ALPK2: variants seen among roughly 807,000 people sequenced by gnomAD.
ALPK2 encodes alpha kinase 2.
A neutral mutation model predicts 163.1 loss-of-function variants in ALPK2; 127 were observed. The observed-to-expected ratio is 0.78, with a 90% confidence interval of 0.67 to 0.90. The LOEUF (loss-of-function observed/expected upper bound fraction) is 0.90, where lower values mean the gene tolerates loss of function less well. ALPK2 is among the 40% of genes least tolerant of loss of function. The pLI, the probability that ALPK2 is intolerant of heterozygous loss-of-function variation, is 0.00. For missense variants in ALPK2, 2,360 were observed against 2,589.6 expected (o/e 0.91, Z 1.92); for synonymous variants, 953 against 959.1 (o/e 0.99, Z 0.12).
chr18:58,528,968 G>A (rs760119969), intron 6 of ALPK2, 123 bp downstream of exon 6: 14 of 1,173,892 alleles, frequency 1.2e-5, no homozygotes, highest in Non-Finnish European at 1.7e-5. Context: ...TATTGTGGAT[G>A]TGGAATCTCT....
chr18:58,513,720 A>T (rs1029694069), intron 10 of ALPK2, among the ~76,000 whole-genome samples: 5 of 151,906 alleles, frequency 3.3e-5, no homozygotes, highest in Admixed American at 6.6e-5. Flanking sequence ...CTACGAGAAA[A>T]TTTTTTTTAA....
intron 8 of ALPK2, among the ~76,000 whole-genome samples, chr18:58,519,477 T>C (rs1159095891): frequency 6.6e-6 from 1 of 152,188 alleles, no homozygotes; most frequent in Non-Finnish European, 1.5e-5. Context: ...AAAAAGCTTG[T>C]GCACCCTATG....
chr18:58,592,989 G>A (rs533982870), intron 3 of ALPK2, among the ~76,000 whole-genome samples: 14 of 152,332 alleles, frequency 9.2e-5, no homozygotes, highest in East Asian at 5.8e-4. Flanking sequence ...GACTTGGAGC[G>A]CTTCGTAAAA....
chr18:58,549,650 C>T (rs1049623939), intron 4 of ALPK2, among the ~76,000 whole-genome samples: 11 of 152,200 alleles, frequency 7.2e-5, no homozygotes, highest in African/African-American at 2.7e-4. Flanking sequence ...TCTCTGAAAC[C>T]GATCCTGTCT....
intron 1 of ALPK2, among the ~76,000 whole-genome samples, chr18:58,618,795 A>G (rs1479421254): frequency 1.3e-5 from 2 of 152,172 alleles, no homozygotes; most frequent in Non-Finnish European, 2.9e-5. Context: ...CACCCCTGCA[A>G]TCTGCATCCC....
chr18:58,532,879 A>G (rs569193928), intron 5 of ALPK2, among the ~76,000 whole-genome samples: 18 of 152,232 alleles, frequency 1.2e-4, no homozygotes, highest in Admixed American at 8.5e-4. Flanking sequence ...CCAGACTTGA[A>G]CCCAAGCAAT....
intron 4 of ALPK2, among the ~76,000 whole-genome samples, chr18:58,563,826 G>A (rs928729864): frequency 2.6e-5 from 4 of 152,054 alleles, no homozygotes; most frequent in Admixed American, 6.6e-5. Flanking sequence ...CTCTTGTCCC[G>A]ATGGCTCTAT....
At chr18:58,591,276 A>G (rs1345556486) in intron 3 of ALPK2, among the ~76,000 whole-genome samples, 1 of 152,194 alleles carries the variant, frequency 6.6e-6, no homozygotes, top group Admixed American at 6.5e-5. Context: ...TATCTTACAG[A>G]TGTTGGAACT....
rs139158112 is a variant in ALPK2 at position 58,537,711 on chromosome 18, G to T, written c.2476C>A (p.Pro826Thr). ...FDTIDSLVGR[P>T]VDKYSPQEIC... The stretch of plus-strand genomic sequence containing the variant: ...TCTTGAGGCGAATATTTATCAACTG[G>T]TCTCCCAACAAGAGAATCTATGGTA... The change falls in exon 5 of 13, where the codon CCA becomes ACA. Residue 826 changes from proline to threonine, a missense_variant. Transcript: ENST00000361673. 2.4e-3 allele frequency: 3,872 copies of T among 1,614,002 alleles called. 10 individuals carry two copies. The highest frequency in any genetic ancestry group is 3.0e-3 in the Non-Finnish European group (3,567 of 1,179,916).
At chr18:58,608,701 A>C (rs1411487493) in intron 2 of ALPK2, among the ~76,000 whole-genome samples, 1 of 152,132 alleles carries the variant, frequency 6.6e-6, no homozygotes, top group East Asian at 1.9e-4. Flanking sequence ...TAATCCCAGC[A>C]CTTTGGGAGG....
At chr18:58,512,927 G>T (rs1465610956) in intron 10 of ALPK2, among the ~76,000 whole-genome samples, 1 of 123,564 alleles carries the variant, frequency 8.1e-6, no homozygotes, top group South Asian at 2.9e-4. Context: ...GTGATGTGTG[G>T]GGTGTGTGGG....
At chr18:58,626,978 T>C (rs2052234115) in intron 1 of ALPK2, among the ~76,000 whole-genome samples, 1 of 152,280 alleles carries the variant, frequency 6.6e-6, no homozygotes, top group Admixed American at 6.5e-5. Flanking sequence ...TATTTATTCA[T>C]CTAATCCCCC....
At chr18:58,591,400 A>C (rs868265011) in intron 3 of ALPK2, among the ~76,000 whole-genome samples, 16 of 152,188 alleles carry the variant, frequency 1.1e-4, no homozygotes, top group African/African-American at 3.6e-4. Flanking sequence ...AAAGATGTGA[A>C]ATTCCTAGGC....
rs2052245250 is a variant in ALPK2 at position 58,628,903 on chromosome 18, C to G, written c.-160G>C. 6.6e-6 allele frequency: 1 copy of G among 152,190 alleles called. No homozygotes were observed. The highest frequency in any genetic ancestry group is 1.5e-5 in the Non-Finnish European group (1 of 68,052). The allele number at this position is 152,190 out of a possible 1,614,324, so 9.4% of individuals were successfully genotyped here. On this transcript the variant is annotated 5_prime_UTR_variant, in exon 1 of 13. Transcript: ENST00000361673. ...AGGAGTTTATAGGGCTCAGGGTCTT[C>G]CATGATCAGGTCAAAGCATAGATGG... is the stretch of plus-strand genomic sequence containing the variant.
chr18:58,532,228 G>C (rs1268236780), intron 5 of ALPK2, among the ~76,000 whole-genome samples: 1 of 152,202 alleles, frequency 6.6e-6, no homozygotes, highest in African/African-American at 2.4e-5. Context: ...CAATAACCTA[G>C]TGCTGGTTTG....
rs536415555 is a variant in ALPK2, at chr18:58,604,200, T to C, written c.227+3122A>G. Among the ~76,000 whole-genome samples the C allele has an allele frequency of 5.9e-5, 9 of 152,342 alleles. No individual in the cohort carries two copies. The South Asian group carries it at 1.0e-3, about 18-fold the overall frequency. The stretch of plus-strand genomic sequence containing the variant: ...CGAATATCTAAAAACTCAGATTTAA[T>C]GATCCAAAGATCAAATGCAGGTGAA... On this transcript the variant is annotated intron_variant, in intron 3 of 12. Coordinates refer to ENST00000361673, the MANE Select transcript of ALPK2 (RefSeq NM_052947.4).
chr18:58,497,410 A>G (rs1431589397), intron 12 of ALPK2, among the ~76,000 whole-genome samples: 1 of 152,218 alleles, frequency 6.6e-6, no homozygotes, highest in East Asian at 1.9e-4. Context: ...GCAGTCAAGT[A>G]AAGAAGTGGG....
chr18:58,521,133 A>G (rs914471588), intron 8 of ALPK2, among the ~76,000 whole-genome samples: 6 of 152,214 alleles, frequency 3.9e-5, no homozygotes, highest in African/African-American at 9.6e-5. Context: ...CCCAGTCACA[A>G]TGGGGCCAGA....
chr18:58,607,499 A>T (rs1214937513), intron 2 of ALPK2, 60 bp from the exon 3 acceptor site: 7 of 1,174,642 alleles, frequency 6.0e-6, no homozygotes, highest in Non-Finnish European at 8.4e-6. Flanking sequence ...AAAAAAAAAA[A>T]AACCCATAAA....
Sources: allele counts gnomAD v4.1 joint callset (sites outside exome capture counted in the v4.1 genomes callset), GRCh38; gene constraint gnomAD v4.1.1; transcripts MANE v1.5; gene names NCBI Gene and HGNC (gene_info 2026-07-23, HGNC 2026-07-21).